Variants in ATF7IP2 observed in about 807,000 individuals in gnomAD.
ATF7IP2 encodes the protein activating transcription factor 7-interacting protein 2.
A neutral mutation model predicts 64.2 loss-of-function variants in ATF7IP2; 42 were observed. The ratio of observed to expected loss-of-function variants is 0.65; its 90% CI spans 0.51 to 0.85. The LOEUF is 0.85. Among genes scored for constraint, ATF7IP2 ranks in the 40% least tolerant of loss-of-function variants. ATF7IP2 has a pLI of 0.00. For missense variants in ATF7IP2, 933 were observed against 784.2 expected (o/e 1.19, Z -2.27); for synonymous variants, 308 against 272.8 (o/e 1.13, Z -1.27).
In ATF7IP2 at chr16:10,430,634, A is replaced by G. The variant is rs373384888; in HGVS notation, c.14A>G (p.Asp5Gly). The change falls in exon 5 of 14, where the codon GAT (aspartate) becomes GGT (glycine). Residue 5 changes from aspartate to glycine, a missense_variant. Asp to Gly is a moderately conservative substitution (Grantham distance 94). Coordinates refer to ENST00000562102, the MANE Select transcript of ATF7IP2 (RefSeq NM_001393719.1). MASPDRSKRKILKAK... is the reference protein window; with the variant it reads MASPGRSKRKILKAK... ...AGGATATGAAAGATGGCAAGTCCAG[A>G]TAGAAGTAAACGGAAGATATTAAAA... 3.1e-6 allele frequency: 5 copies of G among 1,611,192 alleles called. No individual in the cohort carries two copies. The highest frequency in any genetic ancestry group is 4.2e-6 in the Non-Finnish European group (5 of 1,178,054).
chr16:10,402,803 A>C (rs1165320025), intron 1 of ATF7IP2, among the ~76,000 whole-genome samples: 1 of 151,852 alleles, frequency 6.6e-6, no homozygotes, highest in African/African-American at 2.4e-5. Flanking sequence ...AGCCAGGTAC[A>C]GTGGCTCCCT....
intron 12 of ATF7IP2, among the ~76,000 whole-genome samples, chr16:10,477,867 A>G (rs2050069809): frequency 6.6e-6 from 1 of 151,228 alleles, no homozygotes; most frequent in Non-Finnish European, 1.5e-5. Context: ...TAACAGACAA[A>G]CAGAGAGCCA....
In ATF7IP2 at chr16:10,417,954, G is replaced by A. The variant is rs112631296; in HGVS notation, c.-202-1627G>A. ...GCTGGAACAATTGGATGTCCACGTC[G>A]GTCGTGGAGACCCTAACCCAGTGGC... On this transcript the variant is annotated intron_variant, in intron 2 of 13. Transcript: ENST00000562102. 6.6e-3 allele frequency among the ~76,000 whole-genome samples: 1,003 copies of A among 152,252 alleles called. 8 individuals carry two copies. The highest frequency in any genetic ancestry group is 0.014 in the Middle Eastern group (4 of 294).
chr16:10,389,911 A>G (rs932093041), intron 1 of ATF7IP2, among the ~76,000 whole-genome samples: 3 of 152,202 alleles, frequency 2.0e-5, no homozygotes, highest in African/African-American at 4.8e-5. Context: ...GTTAACCACT[A>G]TATAACTCTT....
rs2050265186 is a variant in ATF7IP2, at chr16:10,482,269, T to C, written c.*20T>C. The C allele has an allele frequency of 6.7e-7, 1 of 1,499,604 alleles. No individual in the cohort carries two copies. The highest frequency in any genetic ancestry group is 9.0e-7 in the Non-Finnish European group (1 of 1,108,332). 92.9% of individuals were successfully genotyped at this position (1,499,604 alleles called of 1,614,324 possible). On this transcript the variant is annotated 3_prime_UTR_variant, in exon 14 of 14. Transcript: ENST00000562102. ...ACGTAAAAGGTGTTTAATAATGATA[T>C]ACTACTTTTTTTTTCATATTTGTTT...
In ATF7IP2 at chr16:10,480,872, T is replaced by C. The variant is rs367624730; in HGVS notation, c.1550-7T>C. 2.6e-5 allele frequency: 42 copies of C among 1,594,152 alleles called. No homozygotes were observed. The highest frequency in any genetic ancestry group is 3.5e-5 in the Non-Finnish European group (41 of 1,161,942). On this transcript the variant is annotated splice_region_variant and splice_polypyrimidine_tract_variant and intron_variant, in intron 12 of 13. Coordinates refer to ENST00000562102, the MANE Select transcript of ATF7IP2 (RefSeq NM_001393719.1). ...GATTTACTTCTTAAACCTTGTGTTGTTCACAGAAAGTCCAGTATCCCCCCT... is the reference window on the plus strand; with the variant it reads ...GATTTACTTCTTAAACCTTGTGTTGCTCACAGAAAGTCCAGTATCCCCCCT...
At chr16:10,395,778 A>G (rs2047409025) in intron 1 of ATF7IP2, among the ~76,000 whole-genome samples, 1 of 152,182 alleles carries the variant, frequency 6.6e-6, no homozygotes, top group African/African-American at 2.4e-5. Flanking sequence ...AACTTCCTTA[A>G]CTTGTTAAAA....
chr16:10,407,410 C>A (rs2047665307), intron 1 of ATF7IP2, among the ~76,000 whole-genome samples: 1 of 152,030 alleles, frequency 6.6e-6, no homozygotes, highest in Non-Finnish European at 1.5e-5. Flanking sequence ...AAATAAGGGG[C>A]ATGCAAATTG....
At chr16:10,444,042 G>A (rs150942476) in intron 8 of ATF7IP2, among the ~76,000 whole-genome samples, 1 of 152,262 alleles carries the variant, frequency 6.6e-6, no homozygotes, top group South Asian at 2.1e-4. Flanking sequence ...GGTGGGTTCT[G>A]TGTGTTCTAG....
At chr16:10,457,315 G>A (rs1221749178) in intron 8 of ATF7IP2, 57 bp from the exon 9 acceptor site, 10 of 1,451,916 alleles carry the variant, frequency 6.9e-6, no homozygotes, top group Non-Finnish European at 9.4e-6. Context: ...AATTTTGTTT[G>A]GAAGGATACA....
chr16:10,394,095 A>G (rs1318954146), intron 1 of ATF7IP2, among the ~76,000 whole-genome samples: 3 of 152,222 alleles, frequency 2.0e-5, no homozygotes, highest in African/African-American at 7.2e-5. Flanking sequence ...GAAATGGCAG[A>G]GATTTTCATA....
At chr16:10,435,963 T>G (rs111608321) in intron 6 of ATF7IP2, among the ~76,000 whole-genome samples, 5 of 152,324 alleles carry the variant, frequency 3.3e-5, no homozygotes, top group African/African-American at 9.6e-5. Flanking sequence ...TTCTCCAAGA[T>G]TCATGTGGGT....
intron 3 of ATF7IP2, among the ~76,000 whole-genome samples, chr16:10,420,787 A>T (rs1042405432): frequency 6.6e-6 from 1 of 152,240 alleles, no homozygotes; most frequent in Non-Finnish European, 1.5e-5. Context: ...ATTAATAGGC[A>T]TATCGAAGGC....
chr16:10,430,434 G>T (rs991264815), intron 4 of ATF7IP2, among the ~76,000 whole-genome samples, 177 bp from the exon 5 acceptor site: 19 of 152,080 alleles, frequency 1.2e-4, no homozygotes, highest in Non-Finnish European at 1.5e-5. Context: ...CAATAGAAAA[G>T]ATTTTTATGT....
chr16:10,393,668 G>A (rs2047371847), intron 1 of ATF7IP2, among the ~76,000 whole-genome samples: 1 of 152,148 alleles, frequency 6.6e-6, no homozygotes, highest in African/African-American at 2.4e-5. Context: ...TGTATTAACT[G>A]CATCTTTGAC....
Position 10,412,049 on chromosome 16 carries a change from A to C in ATF7IP2, c.-241-2525A>C, listed in dbSNP as rs571405779. The stretch of plus-strand genomic sequence containing the variant: ...TTTTTTTTTTTTTTTTACACTTTTA[A>C]GTTCTAGGGTACATGTGCACAAGGT... On this transcript the variant is annotated intron_variant, in intron 1 of 13. Transcript: ENST00000562102. Among the ~76,000 whole-genome samples, 3 of 64,514 alleles carry C rather than the reference A, an allele frequency of 4.7e-5. No individual in the cohort carries two copies. In the East Asian group the frequency reaches 1.4e-3, roughly 30 times the overall value. 42.3% of individuals were successfully genotyped at this position (64,514 alleles called of 152,430 possible).
chr16:10,473,872 A>AT (rs1190625043), intron 11 of ATF7IP2, 51 bp from the exon 12 acceptor site: 2 of 1,184,116 alleles, frequency 1.7e-6, no homozygotes, highest in Non-Finnish European at 2.4e-6. Context: ...TTTTAAAAAC[A>AT]TTTTCAGCTA....
At chr16:10,408,190 G>A (rs941621110) in intron 1 of ATF7IP2, among the ~76,000 whole-genome samples, 8 of 152,170 alleles carry the variant, frequency 5.3e-5, no homozygotes, top group African/African-American at 1.9e-4. Context: ...GATTGCAGAT[G>A]TGAGCCACCA....
intron 7 of ATF7IP2, among the ~76,000 whole-genome samples, chr16:10,439,106 G>GA (rs1202944910): frequency 1.3e-5 from 2 of 148,610 alleles, no homozygotes; most frequent in Non-Finnish European, 3.0e-5. Flanking sequence ...TCCTTTATTA[G>GA]AACTTGTACA....
Sources: gnomAD v4.1 joint callset for allele counts (sites outside exome capture counted in the v4.1 genomes callset) on GRCh38, gnomAD v4.1.1 for gene constraint, MANE v1.5 for transcripts, NCBI Gene and HGNC (gene_info 2026-07-23, HGNC 2026-07-21) for gene names.